Variants in GIMAP8 observed in about 807,000 individuals in gnomAD.
GIMAP8 encodes the protein GTPase, IMAP family member 8.
Under a neutral mutation model 35.6 loss-of-function variants are expected in GIMAP8, and 29 were observed. That is an observed-to-expected ratio of 0.81 (90% CI 0.61 to 1.11). The LOEUF is 1.11. Among genes scored for constraint, GIMAP8 ranks in the 50% most tolerant of loss-of-function variants. The pLI is 0.00. For missense variants in GIMAP8, 811 were observed against 805.0 expected, an observed-to-expected ratio of 1.01 and a Z score of -0.09; for synonymous variants, 335 against 308.7, an observed-to-expected ratio of 1.09 and a Z score of -0.89.
rs1415692261 is a variant in GIMAP8, at chr7:150,472,143, A to G, written c.682+1269A>G. On this transcript the variant is annotated intron_variant, in intron 3 of 4. Transcript: ENST00000307271. This position sits in a 1 kb window ranked among gnomAD's most constrained non-coding sequence, Gnocchi z 4.1. The stretch of plus-strand genomic sequence containing the variant: ...TATTGACCTGTGGCTGTGAGGGCCC[A>G]GCACACCATGGGGAGTCACAGGGCT... Among the ~76,000 whole-genome samples, 4 of 152,204 alleles carry G rather than the reference A, an allele frequency of 2.6e-5. No individual in the cohort carries two copies. Among genetic ancestry groups the G allele is most frequent in the Non-Finnish European group, 5.9e-5 (4 of 68,036 alleles).
At chr7:150,452,675 G>GATAGATATATATATATATATATAT (rs1379119203) in intron 1 of GIMAP8, among the ~76,000 whole-genome samples, 2 of 79,658 alleles carry the variant, frequency 2.5e-5, no homozygotes, top group African/African-American at 1.1e-4. Flanking sequence ...GTGTGTGTGA[G>GATAGATATATATATATATATATAT]ATATATATAT....
At position 150,477,518 on chromosome 7, in the gene GIMAP8, T is replaced by A; in HGVS notation, c.1736T>A (p.Met579Lys). The A allele has an allele frequency of 6.2e-7, 1 of 1,614,082 alleles. No homozygotes were observed. The highest frequency in any genetic ancestry group is 8.5e-7 in the Non-Finnish European group (1 of 1,180,020). The change falls in exon 5 of 5, where the codon ATG becomes AAG. Residue 579 changes from methionine to lysine, a missense_variant. Transcript: ENST00000307271. Reference sequence around the variant, plus strand: ...GGGGCGGGGAATTTGGAAGACTTCATGAAGAACTCAGATAACAAAGCCCTT... The same window carrying A: ...GGGGCGGGGAATTTGGAAGACTTCAAGAAGAACTCAGATAACAAAGCCCTT... ...DLGAGNLEDF[M>K]KNSDNKALRR...
At chr7:150,474,686 T>C (rs1317767586) in intron 4 of GIMAP8, 48 bp downstream of exon 4, 2 of 1,221,678 alleles carry the variant, frequency 1.6e-6, no homozygotes, top group Non-Finnish European at 2.2e-6. Context: ...CATTTAAAAA[T>C]AGGTATAAAA....
chr7:150,459,166 A>C (rs1452006449), intron 1 of GIMAP8, among the ~76,000 whole-genome samples: 7 of 152,232 alleles, frequency 4.6e-5, no homozygotes. Flanking sequence ...ACGTGGCTAC[A>C]CTAAGAGATG....
rs765100972 is a variant in GIMAP8 at position 150,470,746 on chromosome 7, C to CTTTTT, written c.637-65_637-61dup. ...CATTCTGAATTAATACTTCAATTTC[C>CTTTTT]TTTTTTTTTTTTTTTTTTTTTTCAG... On this transcript the variant is annotated intron_variant, in intron 2 of 4. Coordinates refer to ENST00000307271, the MANE Select transcript of GIMAP8 (RefSeq NM_175571.4). The CTTTTT allele has an allele frequency of 5.6e-5, 26 of 467,998 alleles. 2 individuals carry two copies. The highest frequency in any genetic ancestry group is 2.8e-4 in the Admixed American group (7 of 24,680). The allele number at this position is 467,998 out of a possible 1,614,324, so 29.0% of individuals were successfully genotyped here. A position where few individuals can be genotyped will look rare whatever the true frequency, so the allele number is the denominator to read the frequency against.
Position 150,451,271 on chromosome 7 carries a change from G to A in GIMAP8, c.-29+96G>A, listed in dbSNP as rs181836837. On this transcript the variant is annotated intron_variant, in intron 1 of 4. Coordinates refer to ENST00000307271, the MANE Select transcript of GIMAP8 (RefSeq NM_175571.4). The surrounding 1 kb of genome is among the most constrained non-coding windows in gnomAD (Gnocchi z 4.1). ...TGGGACACGACCGCAGTGCATGTGT[G>A]ACATGTGCACTCGTGTGTAGATGTG... 6.6e-6 allele frequency: 1 copy of A among 152,468 alleles called. No homozygotes were observed. The highest frequency in any genetic ancestry group is 1.9e-4 in the East Asian group (1 of 5,180). 9.4% of individuals were successfully genotyped at this position (152,468 alleles called of 1,614,324 possible).
At chr7:150,468,624 C>T (rs1344438362) in intron 2 of GIMAP8, among the ~76,000 whole-genome samples, 1 of 152,190 alleles carries the variant, frequency 6.6e-6, no homozygotes, top group Non-Finnish European at 1.5e-5. Flanking sequence ...GAACATATAA[C>T]TTAATAAGTC....
rs373374121 is a variant in GIMAP8, at chr7:150,452,675, GATATATATATATATATATAT to G, written c.-29+1516_-29+1535del. 1.8e-3 allele frequency among the ~76,000 whole-genome samples: 144 copies of G among 79,658 alleles called. 4 individuals are homozygous for G. In the South Asian group the frequency reaches 0.071, roughly 39 times the overall value. The allele number at this position is 79,658 out of a possible 152,430, so 52.3% of individuals were successfully genotyped here. ...TATATGTGTGTGTGTGTGTGTGTGA[GATATATATATATATATATAT>G]ATATATATATATATACATGCGAGTG... is the stretch of plus-strand genomic sequence containing the variant. On this transcript the variant is annotated intron_variant, in intron 1 of 4. Coordinates refer to ENST00000307271, the MANE Select transcript of GIMAP8 (RefSeq NM_175571.4).
At chr7:150,463,778 T>A (rs1342489838) in intron 1 of GIMAP8, among the ~76,000 whole-genome samples, 2 of 152,186 alleles carry the variant, frequency 1.3e-5, no homozygotes, top group Non-Finnish European at 2.9e-5. Flanking sequence ...CAGTACTCAG[T>A]CCTCTGAGTG....
At chr7:150,469,894 T>C (rs886682682) in intron 2 of GIMAP8, among the ~76,000 whole-genome samples, 2 of 152,266 alleles carry the variant, frequency 1.3e-5, no homozygotes, top group Admixed American at 6.5e-5. Flanking sequence ...TCTGTCTATA[T>C]TGACTTCTAC....
At chr7:150,460,902 A>G (rs1363112612) in intron 1 of GIMAP8, among the ~76,000 whole-genome samples, 1 of 152,254 alleles carries the variant, frequency 6.6e-6, no homozygotes, top group African/African-American at 2.4e-5. Flanking sequence ...TTGGTGGCCC[A>G]TGGCTAAGTG....
chr7:150,464,499 T>C (rs1378177690), intron 1 of GIMAP8, among the ~76,000 whole-genome samples: 3 of 151,906 alleles, frequency 2.0e-5, no homozygotes, highest in Admixed American at 6.6e-5. Context: ...CTGGGCAACA[T>C]AGAGAGACCC....
rs539691675 is a variant in GIMAP8 at position 150,474,526 on chromosome 7, C to G, written c.1197C>G (p.Phe399Leu). The change falls in exon 4 of 5, where the codon TTC (phenylalanine) becomes TTG (leucine). Residue 399 changes from phenylalanine (F) to leucine (L), a missense_variant. Physicochemically the swap from Phe to Leu is conservative, Grantham distance 22 (BLOSUM62 0). Transcript: ENST00000307271. Reference sequence around the variant, plus strand: ...AGTGTAAAAACAGATATAGTGCCTTCAACTACCGGGCAACAGGAGAAGAAG... The same window carrying G: ...AGTGTAAAAACAGATATAGTGCCTTGAACTACCGGGCAACAGGAGAAGAAG... ...IQKCKNRYSA[F>L]NYRATGEEEQ... 1 of 1,577,840 alleles carries G rather than the reference C, an allele frequency of 6.3e-7. No homozygotes were observed. The highest frequency in any genetic ancestry group is 1.1e-5 in the South Asian group (1 of 90,848).
chr7:150,468,951 A>C (rs1042022069), intron 2 of GIMAP8, among the ~76,000 whole-genome samples: 1 of 152,136 alleles, frequency 6.6e-6, no homozygotes, highest in Non-Finnish European at 1.5e-5. Flanking sequence ...CCTCTGTGAC[A>C]ATCTGTCTCT....
intron 4 of GIMAP8, among the ~76,000 whole-genome samples, chr7:150,475,416 C>G (rs973988421): frequency 1.1e-4 from 16 of 152,160 alleles, no homozygotes; most frequent in African/African-American, 3.6e-4. Flanking sequence ...TTCTCTTGAA[C>G]CGGTCTTTAA....
At chr7:150,470,764 T>G in intron 2 of GIMAP8, 65 bp from the exon 3 acceptor site, 2 of 730,484 alleles carry the variant, frequency 2.7e-6, no homozygotes, top group South Asian at 1.9e-5. Context: ...TTTTTTTTTT[T>G]TTTTCAGTTT....
In GIMAP8 at chr7:150,451,049, AC is replaced by A. The variant is rs1801594157; in HGVS notation, c.-152del. ...TAGAAATCTCTTCCTTTGCAGAAAC[AC>A]CCGAAACCCTCCTGCCAGGAAGACC... On this transcript the variant is annotated 5_prime_UTR_variant, in exon 1 of 5. Coordinates refer to ENST00000307271, the MANE Select transcript of GIMAP8 (RefSeq NM_175571.4). The surrounding 1 kb of genome is among the most constrained non-coding windows in gnomAD (Gnocchi z 4.1). 1 of 152,284 alleles carries A rather than the reference AC, an allele frequency of 6.6e-6. No individual in the cohort carries two copies. Among genetic ancestry groups the A allele is most frequent in the African/African-American group, 2.4e-5 (1 of 41,442 alleles). The allele number at this position is 152,284 out of a possible 1,614,324, so 9.4% of individuals were successfully genotyped here. A position where few individuals can be genotyped will look rare whatever the true frequency, so the allele number is the denominator to read the frequency against.
At chr7:150,453,963 G>A (rs143872308) in intron 1 of GIMAP8, among the ~76,000 whole-genome samples, 1 of 152,068 alleles carries the variant, frequency 6.6e-6, no homozygotes, top group Non-Finnish European at 1.5e-5. Flanking sequence ...CAGAGGCATG[G>A]ACAGCTCTTT....
chr7:150,464,175 T>A (rs1450435419), intron 1 of GIMAP8, among the ~76,000 whole-genome samples: 1 of 152,184 alleles, frequency 6.6e-6, no homozygotes, highest in Non-Finnish European at 1.5e-5. Context: ...GATGGACACA[T>A]AAGTATGATA....
Sources: gnomAD v4.1 joint callset for allele counts (sites outside exome capture counted in the v4.1 genomes callset) on GRCh38, gnomAD v4.1.1 for gene constraint, Gnocchi (gnomAD v3.1) non-coding constraint, MANE v1.5 for transcripts, NCBI Gene and HGNC (gene_info 2026-07-23, HGNC 2026-07-21) for gene names.